Variants in CFAP119 observed in about 807,000 individuals in gnomAD.
CFAP119 encodes the protein cilia and flagella associated protein 119.
At chr16:30,761,630 G>A in the CFAP119 span, 3 of 1,536,084 alleles carry the variant, frequency 2.0e-6, no homozygotes, top group South Asian at 2.4e-5. Flanking sequence ...ACGCGTCCGC[G>A]CGGCCGACCC....
chr16:30,757,691 G>T, the CFAP119 span: 15 of 1,574,252 alleles, frequency 9.5e-6, no homozygotes, highest in African/African-American at 1.9e-4. Context: ...GGTGAGGAGA[G>T]ATGCTGTCTG....
chr16:30,761,236 A>C, the CFAP119 span: 1 of 1,613,434 alleles, frequency 6.2e-7, no homozygotes, highest in Non-Finnish European at 8.5e-7. Context: ...GCGGCTGCGG[A>C]AAGAAAGCGA....
At chr16:30,757,838 T>C in the CFAP119 span, 6 of 1,403,364 alleles carry the variant, frequency 4.3e-6, no homozygotes, top group Non-Finnish European at 5.5e-6. Flanking sequence ...AGGGTGGCTA[T>C]GCTGGACTTT....
the CFAP119 span, chr16:30,760,853 T>C: frequency 1.6e-6 from 1 of 638,818 alleles, no homozygotes; most frequent in Non-Finnish European, 2.8e-6. Context: ...CCTCTCCATT[T>C]CTAAAGCCTA....
At chr16:30,759,790 C>T in the CFAP119 span, 13 of 1,543,664 alleles carry the variant, frequency 8.4e-6, no homozygotes, top group Non-Finnish European at 1.1e-5. Context: ...CTTCACTCAA[C>T]AGCTGTTTAT....
the CFAP119 span, chr16:30,761,672 C>T: frequency 6.5e-7 from 1 of 1,535,778 alleles, no homozygotes; most frequent in Non-Finnish European, 8.7e-7. Flanking sequence ...CCCCGCTTCC[C>T]GCCGCAGCTC....
chr16:30,758,840 C>T, the CFAP119 span: 38 of 1,172,220 alleles, frequency 3.2e-5, no homozygotes, highest in African/African-American at 7.7e-5. Flanking sequence ...TGAGCCACCA[C>T]GCCTGGCCTG....
At chr16:30,759,641 C>T in the CFAP119 span, 1 of 1,613,896 alleles carries the variant, frequency 6.2e-7, no homozygotes, top group African/African-American at 1.3e-5. Context: ...CAGAATGTTC[C>T]AGGGGAACTG....
the CFAP119 span, chr16:30,757,594 A>G: frequency 6.2e-7 from 1 of 1,614,138 alleles, no homozygotes. Flanking sequence ...CAGCCCCTGG[A>G]GCTGCTCCAG....
At chr16:30,761,563 G>A in the CFAP119 span, 25 of 1,536,146 alleles carry the variant, frequency 1.6e-5, no homozygotes, top group Non-Finnish European at 2.2e-5. Context: ...AGTTGGCTCC[G>A]GGGTCTTCAT....
chr16:30,761,171 G>C, the CFAP119 span: 1 of 1,612,592 alleles, frequency 6.2e-7, no homozygotes, highest in Non-Finnish European at 8.5e-7. Context: ...CAAATATTCA[G>C]TGTAATTTTT....
the CFAP119 span, chr16:30,758,786 C>G: frequency 1.4e-6 from 1 of 691,316 alleles, no homozygotes. Flanking sequence ...AACTCCTGAG[C>G]TCAGGCAATC....
the CFAP119 span, chr16:30,761,652 T>C: frequency 6.5e-7 from 1 of 1,535,836 alleles, no homozygotes; most frequent in African/African-American, 1.4e-5. Flanking sequence ...TGCACTGAGC[T>C]GCGATCCTTC....
At chr16:30,761,453 T>C in the CFAP119 span, 4 of 1,506,576 alleles carry the variant, frequency 2.7e-6, no homozygotes, top group Middle Eastern at 1.7e-4. Flanking sequence ...CCGGGAGACG[T>C]CCCGAACGTT....
At chr16:30,759,466 G>C in the CFAP119 span, 22 of 1,614,074 alleles carry the variant, frequency 1.4e-5, no homozygotes, top group Non-Finnish European at 1.9e-5. Context: ...CCGCTGTGGT[G>C]GTGACTCGGA....
the CFAP119 span, chr16:30,761,838 G>C: frequency 1.6e-6 from 2 of 1,262,814 alleles, no homozygotes; most frequent in African/African-American, 3.0e-5. Context: ...TACCAAGGCC[G>C]GGCCCGTTCG....
chr16:30,759,768 T>C, the CFAP119 span: 1 of 1,562,200 alleles, frequency 6.4e-7, no homozygotes, highest in African/African-American at 1.4e-5. Flanking sequence ...CTCTCTGGTA[T>C]CCATTCATTC....
At chr16:30,758,986 G>A in the CFAP119 span, 2 of 1,613,742 alleles carry the variant, frequency 1.2e-6, no homozygotes, top group Non-Finnish European at 1.7e-6. Flanking sequence ...GAGGGACAGG[G>A]CAGCCTGCCC....
chr16:30,759,170 T>C, the CFAP119 span: 1 of 1,614,142 alleles, frequency 6.2e-7, no homozygotes, highest in South Asian at 1.1e-5. Context: ...CCTGGCACTC[T>C]CCCTTACCCG....
Sources: allele counts gnomAD v4.1 joint callset, GRCh38; gene constraint gnomAD v4.1.1; transcripts MANE v1.5; gene names NCBI Gene and HGNC (gene_info 2026-07-23, HGNC 2026-07-21).